STRN: variants seen among roughly 807,000 people sequenced by gnomAD.
STRN encodes protein phosphatase 2 regulatory subunit B'''alpha.
STRN carries 53 observed loss-of-function variants against 96.3 expected under a neutral mutation model. The observed-to-expected ratio is 0.55, with a 90% CI of 0.44 to 0.69. The LOEUF is 0.69. Ranked by LOEUF, STRN falls within the 30% of genes least tolerant of loss-of-function variation. The pLI is 0.00. For missense variants in STRN, 987 were observed against 963.9 expected, an observed-to-expected ratio of 1.02 and a Z score of -0.32; for synonymous variants, 428 against 355.9, an observed-to-expected ratio of 1.20 and a Z score of -2.28.
At position 36,846,870 on chromosome 2, in the gene STRN, C is replaced by G. The variant is rs1032670625; in HGVS notation, c.*2586G>C. 1.3e-5 allele frequency: 2 copies of G among 152,020 alleles called. No homozygotes were observed. Among genetic ancestry groups the G allele is most frequent in the Non-Finnish European group, 2.9e-5 (2 of 67,994 alleles). 9.4% of individuals were successfully genotyped at this position (152,020 alleles called of 1,614,324 possible). On this transcript the variant is annotated 3_prime_UTR_variant, in exon 18 of 18. Transcript: ENST00000263918. ...CAGCATATGAAAATAAGGCAGGGATCCAAACCTCCCGCTAATTTTCATACT... is the reference window on the plus strand; with the variant it reads ...CAGCATATGAAAATAAGGCAGGGATGCAAACCTCCCGCTAATTTTCATACT...
At chr2:36,935,107 T>A (rs1670669718) in intron 1 of STRN, among the ~76,000 whole-genome samples, 1 of 152,194 alleles carries the variant, frequency 6.6e-6, no homozygotes, top group South Asian at 2.1e-4. Flanking sequence ...CATAATTTTA[T>A]ATTTTTAAAA....
At chr2:36,904,750 C>T (rs1267947295) in intron 4 of STRN, among the ~76,000 whole-genome samples, 1 of 152,146 alleles carries the variant, frequency 6.6e-6, no homozygotes, top group East Asian at 1.9e-4. Context: ...ATCACTTGAG[C>T]CCAGGAGGCA....
chr2:36,915,375 C>G (rs1013265018), intron 3 of STRN, among the ~76,000 whole-genome samples: 1 of 150,066 alleles, frequency 6.7e-6, no homozygotes, highest in Non-Finnish European at 1.5e-5. Flanking sequence ...ACGCCAGAAA[C>G]GTACCTATCT....
intron 1 of STRN, among the ~76,000 whole-genome samples, chr2:36,927,686 A>T (rs1340730234): frequency 6.6e-6 from 1 of 152,110 alleles, no homozygotes; most frequent in Non-Finnish European, 1.5e-5. Context: ...ATAAAAAATA[A>T]AGTACAATCA....
chr2:36,866,002 C>T (rs1668612516), intron 12 of STRN, among the ~76,000 whole-genome samples: 1 of 152,046 alleles, frequency 6.6e-6, no homozygotes, highest in African/African-American at 2.4e-5. Context: ...CATTATTTAC[C>T]AATAAATCAT....
chr2:36,852,698 C>T lies in STRN; in HGVS notation c.1979-1591G>A, dbSNP rs1668249542. On this transcript the variant is annotated intron_variant, in intron 15 of 17. Coordinates refer to ENST00000263918, the MANE Select transcript of STRN (RefSeq NM_003162.4). ...ATAGAGTTTAAAAAATTTTTTGAAC[C>T]CTAGAATAGGTATTACAAGTTTATA... is the stretch of plus-strand genomic sequence containing the variant. Among the ~76,000 whole-genome samples the T allele has an allele frequency of 2.6e-5, 4 of 151,814 alleles. No individual in the cohort carries two copies. The South Asian group carries it at 6.2e-4, about 24-fold the overall frequency.
At position 36,877,666 on chromosome 2, in the gene STRN, G is replaced by C. The variant is rs566206984; in HGVS notation, c.1323+225C>G. On this transcript the variant is annotated intron_variant, in intron 10 of 17. Transcript: ENST00000263918. ...TTCTCCTGCCATAGCCCCCCTAGTA[G>C]CTGGGATTATAGGCACCTGCCGCCA... Among the ~76,000 whole-genome samples the C allele has an allele frequency of 1.1e-4, 16 of 152,230 alleles. No homozygotes were observed. In the East Asian group the frequency reaches 2.9e-3, roughly 28 times the overall value.
chr2:36,925,547 C>T (rs1288698224), intron 1 of STRN, among the ~76,000 whole-genome samples: 7 of 152,150 alleles, frequency 4.6e-5, no homozygotes, highest in South Asian at 2.1e-4. Flanking sequence ...GAGGCTGAGG[C>T]GGGTGGATCA....
Position 36,869,610 on chromosome 2 carries a change from T to C in STRN, c.1443A>G (p.Ala481=), listed in dbSNP as rs1377642574. 1.9e-6 allele frequency: 3 copies of C among 1,610,086 alleles called. No homozygotes were observed. The highest frequency in any genetic ancestry group is 2.5e-6 in the Non-Finnish European group (3 of 1,177,986). Residue 481 remains alanine, a synonymous_variant, in exon 11 of 18, where the codon GCA becomes GCG. Coordinates refer to ENST00000263918, the MANE Select transcript of STRN (RefSeq NM_003162.4). ...FHPIEPVLIT[A]SEDHTLKMWN... is the part of the protein sequence containing the mutation. ...ACATTTTTAATGTGTGATCCTCTGATGCTGTTATCAAAACAGGCTCAATGG... is the reference window on the plus strand; with the variant it reads ...ACATTTTTAATGTGTGATCCTCTGACGCTGTTATCAAAACAGGCTCAATGG...
intron 3 of STRN, among the ~76,000 whole-genome samples, chr2:36,906,281 T>A (rs762897023): frequency 2.6e-5 from 4 of 151,896 alleles, no homozygotes; most frequent in Non-Finnish European, 5.9e-5. Context: ...CTGGGCAACA[T>A]GGAGTAAACC....
At chr2:36,943,452 G>A (rs1015192998) in intron 1 of STRN, among the ~76,000 whole-genome samples, 24 of 151,774 alleles carry the variant, frequency 1.6e-4, no homozygotes, top group Non-Finnish European at 1.5e-4. Context: ...ATGTTACATT[G>A]TTCTAAGTAT....
chr2:36,900,659 G>C (rs1266487220), intron 5 of STRN, among the ~76,000 whole-genome samples: 1 of 152,156 alleles, frequency 6.6e-6, no homozygotes, highest in Non-Finnish European at 1.5e-5. Flanking sequence ...GGGAGGCTGA[G>C]GCAGGCGGAT....
At position 36,846,563 on chromosome 2, in the gene STRN, A is replaced by T. The variant is rs1668083198; in HGVS notation, c.*2893T>A. The T allele has an allele frequency of 6.6e-6, 1 of 150,570 alleles. No individual in the cohort carries two copies. Among genetic ancestry groups the T allele is most frequent in the Non-Finnish European group, 1.5e-5 (1 of 67,716 alleles). The allele number at this position is 150,570 out of a possible 1,614,324, so 9.3% of individuals were successfully genotyped here. On this transcript the variant is annotated 3_prime_UTR_variant, in exon 18 of 18. Transcript: ENST00000263918. ...TTATAGCAAGAATACTGAAGGAATG[A>T]AAGTCAGATTAAAAAAAAAATTTCT... is the stretch of plus-strand genomic sequence containing the variant.
chr2:36,864,345 T>C (rs1429828369), intron 12 of STRN, among the ~76,000 whole-genome samples: 4 of 152,220 alleles, frequency 2.6e-5, no homozygotes, highest in African/African-American at 4.8e-5. Flanking sequence ...GCCTAGTTTG[T>C]TCAGGGTTTT....
Position 36,838,264 on chromosome 2 carries a change from C to G in STRN, c.*11192G>C, listed in dbSNP as rs1667866438. Among the ~76,000 whole-genome samples, 4 of 152,324 alleles carry G rather than the reference C, an allele frequency of 2.6e-5. No homozygotes were observed. In the South Asian group the frequency reaches 6.2e-4, roughly 24 times the overall value. ...GCTAGGAGACAGGGACCTCCATCCT[C>G]TGACTTTAATGAGGCTGGAAGCGAA... On this transcript the variant is annotated 3_prime_UTR_variant, in exon 18 of 18. Transcript: ENST00000263918.
chr2:36,917,058 A>T (rs1229294513), intron 2 of STRN, among the ~76,000 whole-genome samples: 4 of 149,772 alleles, frequency 2.7e-5, no homozygotes, highest in African/African-American at 1.0e-4. Flanking sequence ...AAAATAAAAA[A>T]TAAAAATAAA....
At chr2:36,963,627 T>A (rs1055178009) in intron 1 of STRN, among the ~76,000 whole-genome samples, 4 of 152,138 alleles carry the variant, frequency 2.6e-5, no homozygotes, top group Non-Finnish European at 5.9e-5. Context: ...CTGTGGAAAC[T>A]TTAATTGGAA....
chr2:36,862,416 T>C (rs1373166622), intron 12 of STRN, among the ~76,000 whole-genome samples: 1 of 152,176 alleles, frequency 6.6e-6, no homozygotes, highest in African/African-American at 2.4e-5. Context: ...GCATCTGTTA[T>C]CTTTTGACCT....
chr2:36,963,520 A>AGG (rs1459125600), intron 1 of STRN, among the ~76,000 whole-genome samples: 2 of 152,220 alleles, frequency 1.3e-5, no homozygotes, highest in East Asian at 3.8e-4. Context: ...AATTACACTA[A>AGG]TAAGGGGGGA....
Sources: allele counts gnomAD v4.1 joint callset (sites outside exome capture counted in the v4.1 genomes callset), GRCh38; gene constraint gnomAD v4.1.1; transcripts MANE v1.5; gene names NCBI Gene and HGNC (gene_info 2026-07-23, HGNC 2026-07-21).